FHIT: variants seen among roughly 807,000 people sequenced by gnomAD.
FHIT encodes fragile histidine triad diadenosine triphosphatase.
In FHIT, 19 loss-of-function variants were observed where a neutral mutation model predicts 17.9. The observed-to-expected ratio is 1.06, with a 90% CI of 0.74 to 1.56. The LOEUF (loss-of-function observed/expected upper bound fraction) is 1.56, where lower values mean the gene tolerates loss of function less well. FHIT is among the 40% of genes most tolerant of loss of function. The pLI is 0.00. For synonymous variants in FHIT, 81 were observed against 69.7 expected, an observed-to-expected ratio of 1.16 and a Z score of -0.81; for missense variants, 248 against 189.2, an observed-to-expected ratio of 1.31 and a Z score of -1.82.
intron 7 of FHIT, among the ~76,000 whole-genome samples, chr3:59,958,082 G>C (rs1707490963): frequency 6.6e-6 from 1 of 152,170 alleles, no homozygotes. Flanking sequence ...TAGATATTCA[G>C]CATAGGTAGC....
At chr3:61,058,122 T>C (rs114852137) in intron 2 of FHIT, among the ~76,000 whole-genome samples, 1 of 152,312 alleles carries the variant, frequency 6.6e-6, no homozygotes, top group African/African-American at 2.4e-5. Context: ...ATAATCCTCA[T>C]AGACCACTTA....
chr3:60,024,644 CA>C (rs1372100655), intron 5 of FHIT, among the ~76,000 whole-genome samples: 1 of 152,120 alleles, frequency 6.6e-6, no homozygotes, highest in Non-Finnish European at 1.5e-5. Flanking sequence ...AGGCAACTGA[CA>C]TAGTAACTAC....
At chr3:60,635,043 G>T (rs948296376) in intron 4 of FHIT, among the ~76,000 whole-genome samples, 4 of 152,062 alleles carry the variant, frequency 2.6e-5, no homozygotes, top group Admixed American at 6.5e-5. Context: ...GCCTATAAAA[G>T]ATTTCAATTG....
intron 3 of FHIT, among the ~76,000 whole-genome samples, chr3:60,929,251 T>G (rs1188559500): frequency 3.9e-5 from 6 of 152,104 alleles, no homozygotes; most frequent in African/African-American, 9.7e-5. Flanking sequence ...CCACAGCCAA[T>G]ATCATACTGA....
rs190330886 is a variant in FHIT at position 59,892,029 on chromosome 3, T to C, written c.348+30317A>G. Among the ~76,000 whole-genome samples the C allele has an allele frequency of 6.6e-4, 101 of 152,362 alleles. 1 individual carries two copies. The highest frequency in any genetic ancestry group is 3.4e-3 in the Middle Eastern group (1 of 294). On this transcript the variant is annotated intron_variant, in intron 8 of 9. Transcript: ENST00000492590. Reference sequence around the variant, plus strand: ...GCTACAGATGCCATTCGACAATGATTTGATGTAAAATAATAGTCCATCTAT... The same window carrying C: ...GCTACAGATGCCATTCGACAATGATCTGATGTAAAATAATAGTCCATCTAT...
At chr3:59,869,558 T>C (rs1460466917) in intron 8 of FHIT, among the ~76,000 whole-genome samples, 1 of 145,256 alleles carries the variant, frequency 6.9e-6, no homozygotes, top group Non-Finnish European at 1.5e-5. Flanking sequence ...CTCGGCATAC[T>C]GTAAGCTCTG....
At chr3:60,801,156 C>T (rs2106661729) in intron 4 of FHIT, among the ~76,000 whole-genome samples, 1 of 152,310 alleles carries the variant, frequency 6.6e-6, no homozygotes, top group South Asian at 2.1e-4. Flanking sequence ...GTGCTTCAGA[C>T]ATGTCTAAAC....
In FHIT at chr3:60,044,754, C is replaced by T. The variant is rs141837902; in HGVS notation, c.104-30602G>A. Among the ~76,000 whole-genome samples the T allele has an allele frequency of 5.1e-3, 774 of 152,168 alleles. 6 individuals carry two copies. The highest frequency in any genetic ancestry group is 0.017 in the African/African-American group (719 of 41,506). Reference sequence around the variant, plus strand: ...ACAAGCTTTCTTCTAAATGAGGAATCATCAAAACCAAACAGAAGTGTCTAT... The same window carrying T: ...ACAAGCTTTCTTCTAAATGAGGAATTATCAAAACCAAACAGAAGTGTCTAT... On this transcript the variant is annotated intron_variant, in intron 5 of 9. Coordinates refer to ENST00000492590, the MANE Select transcript of FHIT (RefSeq NM_002012.4).
chr3:60,059,687 G>A (rs1023419842), intron 5 of FHIT, among the ~76,000 whole-genome samples: 3 of 152,044 alleles, frequency 2.0e-5, no homozygotes, highest in Admixed American at 6.6e-5. Context: ...TCGATTAGCC[G>A]CCAGTAACCC....
At chr3:60,495,942 C>T (rs1429473432) in intron 5 of FHIT, among the ~76,000 whole-genome samples, 14 of 152,018 alleles carry the variant, frequency 9.2e-5, no homozygotes, top group Admixed American at 8.5e-4. Context: ...TAGAATGGAA[C>T]ACTGTTTTTC....
chr3:60,114,803 C>A (rs1369777494), intron 5 of FHIT, among the ~76,000 whole-genome samples: 1 of 151,966 alleles, frequency 6.6e-6, no homozygotes, highest in African/African-American at 2.4e-5. Context: ...AAAAATCTTC[C>A]TTAAAATTAA....
At chr3:60,663,262 A>G (rs2040305322) in intron 4 of FHIT, among the ~76,000 whole-genome samples, 1 of 148,792 alleles carries the variant, frequency 6.7e-6, no homozygotes, top group Non-Finnish European at 1.5e-5. Flanking sequence ...TGGAGATCAA[A>G]TAAGTTTGCT....
At chr3:60,749,658 T>A (rs188727673) in intron 4 of FHIT, among the ~76,000 whole-genome samples, 2 of 152,280 alleles carry the variant, frequency 1.3e-5, no homozygotes, top group African/African-American at 4.8e-5. Context: ...ATTTTAAACA[T>A]GCTGAATAAG....
intron 4 of FHIT, among the ~76,000 whole-genome samples, chr3:60,786,761 G>A (rs1700590302): frequency 6.6e-6 from 1 of 152,028 alleles, no homozygotes; most frequent in Non-Finnish European, 1.5e-5. Flanking sequence ...CTTTGCACAG[G>A]GCCTGTCACA....
In FHIT at chr3:60,839,921, T is replaced by C. The variant is rs149363360; in HGVS notation, c.-110-17910A>G. Among the ~76,000 whole-genome samples, 6 of 152,270 alleles carry C rather than the reference T, an allele frequency of 3.9e-5. No homozygotes were observed. In the East Asian group the frequency reaches 1.2e-3, roughly 29 times the overall value. On this transcript the variant is annotated intron_variant, in intron 3 of 9. Transcript: ENST00000492590. ...TAACATAAGGGCTTATTTAACTACG[T>C]CTTTATTTCCTTTACAGTCCAACTA...
chr3:60,198,614 G>A (rs1237812171), intron 5 of FHIT, among the ~76,000 whole-genome samples: 1 of 152,114 alleles, frequency 6.6e-6, no homozygotes, highest in East Asian at 1.9e-4. Context: ...TTAGGACTGA[G>A]GATGTTCTTC....
chr3:61,202,067 T>TACACAC (rs143994045), intron 1 of FHIT, among the ~76,000 whole-genome samples: 12,409 of 148,638 alleles, frequency 0.083, 1,035 homozygotes, highest in East Asian at 0.35. Flanking sequence ...CGCACATAGA[T>TACACAC]ACACACACAC....
intron 4 of FHIT, among the ~76,000 whole-genome samples, chr3:60,787,998 G>A (rs575242270): frequency 1.5e-4 from 23 of 152,316 alleles, no homozygotes; most frequent in African/African-American, 5.5e-4. Context: ...AGTGATAGAA[G>A]CTTCATTCAG....
At chr3:60,474,808 A>G (rs941057121) in intron 5 of FHIT, among the ~76,000 whole-genome samples, 1 of 152,020 alleles carries the variant, frequency 6.6e-6, no homozygotes, top group African/African-American at 2.4e-5. Flanking sequence ...TTTTTAGTAG[A>G]GACGAGGTTT....
Sources: gnomAD v4.1 joint callset for allele counts (sites outside exome capture counted in the v4.1 genomes callset) on GRCh38, gnomAD v4.1.1 for gene constraint, MANE v1.5 for transcripts, NCBI Gene and HGNC (gene_info 2026-07-23, HGNC 2026-07-21) for gene names.